Variants in WWOX observed in about 807,000 individuals in gnomAD.
The protein encoded by WWOX is WW domain containing oxidoreductase.
WWOX carries 69 observed loss-of-function variants against 46.2 expected under a neutral mutation model. The observed-to-expected ratio is 1.49, with a 90% confidence interval of 1.23 to 1.82. WWOX has a LOEUF of 1.82. WWOX is among the 40% of genes most tolerant of loss of function. WWOX has a pLI of 0.00. For synonymous variants in WWOX, 359 were observed against 202.6 expected (o/e 1.77, Z -6.56); for missense variants, 919 against 542.6 (o/e 1.69, Z -6.89).
intron 8 of WWOX, among the ~76,000 whole-genome samples, chr16:78,579,092 G>C (rs543169647): frequency 6.6e-6 from 1 of 152,072 alleles, no homozygotes; most frequent in African/African-American, 2.4e-5. Context: ...CATCATGTTT[G>C]GTCTCTCGTC....
rs146708382 is a variant in WWOX, at chr16:78,918,395, G to C, written c.1057-293213G>C. Among the ~76,000 whole-genome samples the C allele has an allele frequency of 1.8e-3, 273 of 151,944 alleles. 1 individual carries two copies. Among genetic ancestry groups the C allele is most frequent in the African/African-American group, 6.2e-3 (256 of 41,424 alleles). The stretch of plus-strand genomic sequence containing the variant: ...GCCATGAAACCTCTCTCCTTTCCAG[G>C]CTGGCTTCTTACCTAGGTCGTGTCC... On this transcript the variant is annotated intron_variant, in intron 8 of 8. Coordinates refer to ENST00000566780, the MANE Select transcript of WWOX (RefSeq NM_016373.4).
At chr16:78,399,119 G>C (rs951176178) in intron 6 of WWOX, among the ~76,000 whole-genome samples, 1 of 152,036 alleles carries the variant, frequency 6.6e-6, no homozygotes, top group Admixed American at 6.5e-5. Flanking sequence ...CAAGAGGTAA[G>C]TACAAGGAAG....
At chr16:79,006,953 C>T (rs368062339) in intron 8 of WWOX, among the ~76,000 whole-genome samples, 5 of 152,152 alleles carry the variant, frequency 3.3e-5, no homozygotes, top group African/African-American at 4.8e-5. Context: ...TGATTAGCAA[C>T]GTCAGTTCCA....
At chr16:78,332,382 C>G (rs574231437) in intron 5 of WWOX, among the ~76,000 whole-genome samples, 1 of 152,272 alleles carries the variant, frequency 6.6e-6, no homozygotes, top group Admixed American at 6.5e-5. Flanking sequence ...TGGGTATTTC[C>G]TCTGTGCAAT....
chr16:79,081,797 C>G (rs1044084912), intron 8 of WWOX, among the ~76,000 whole-genome samples: 1 of 152,104 alleles, frequency 6.6e-6, no homozygotes, highest in African/African-American at 2.4e-5. Context: ...TGCCTCTGGT[C>G]TCCAGCAGAA....
intron 8 of WWOX, chr16:79,204,311 C>G (rs868336066): frequency 2.6e-5 from 4 of 152,106 alleles, no homozygotes; most frequent in Admixed American, 2.0e-4. Flanking sequence ...CCGGTCAGTT[C>G]TAGAACGCTT....
chr16:78,159,004 C>T (rs890152731), intron 4 of WWOX, among the ~76,000 whole-genome samples: 2 of 152,058 alleles, frequency 1.3e-5, no homozygotes, highest in African/African-American at 4.8e-5. Flanking sequence ...TCTTAGATTC[C>T]TCATATAAAT....
At chr16:78,485,792 C>T (rs1540757) in intron 8 of WWOX, among the ~76,000 whole-genome samples, 86,646 of 152,100 alleles carry the variant, frequency 0.57, 28,752 homozygotes, top group Non-Finnish European at 0.74. Context: ...GGGCTTCATA[C>T]ATTATTGAGA....
At chr16:78,211,555 C>CCTGCTG (rs753430190) in intron 5 of WWOX, among the ~76,000 whole-genome samples, 102 of 151,846 alleles carry the variant, frequency 6.7e-4, no homozygotes, top group Non-Finnish European at 1.4e-3. Flanking sequence ...TGCTGTTGCT[C>CCTGCTG]CTGCTGCTGC....
chr16:79,153,913 C>G (rs568946586), intron 8 of WWOX, among the ~76,000 whole-genome samples: 2 of 152,124 alleles, frequency 1.3e-5, no homozygotes, highest in Admixed American at 1.3e-4. Flanking sequence ...TTTTCCAGGC[C>G]TGCTGTCAGG....
chr16:79,047,672 A>ACTTTTTT (rs529812201), intron 8 of WWOX, among the ~76,000 whole-genome samples: 9 of 53,518 alleles, frequency 1.7e-4, no homozygotes, highest in African/African-American at 6.1e-4. Context: ...GACTGTCCTG[A>ACTTTTTT]TTTTTTTTTT....
intron 8 of WWOX, among the ~76,000 whole-genome samples, chr16:78,595,244 G>T (rs765949072): frequency 1.3e-5 from 2 of 152,116 alleles, no homozygotes; most frequent in South Asian, 4.1e-4. Flanking sequence ...TTTAGCAGTC[G>T]TGGGACTAGG....
chr16:78,490,161 C>A (rs867975536), intron 8 of WWOX, among the ~76,000 whole-genome samples: 2 of 140,752 alleles, frequency 1.4e-5, no homozygotes, highest in South Asian at 4.4e-4. Flanking sequence ...GTTGTGGTGG[C>A]GTTGGCTTTT....
chr16:79,187,356 G>A (rs1597457597), intron 8 of WWOX, among the ~76,000 whole-genome samples: 1 of 152,238 alleles, frequency 6.6e-6, no homozygotes, highest in African/African-American at 2.4e-5. Flanking sequence ...TACCTCCTAT[G>A]CCCCTACGAA....
chr16:78,305,817 T>A (rs1209240986), intron 5 of WWOX, among the ~76,000 whole-genome samples: 6 of 152,280 alleles, frequency 3.9e-5, no homozygotes, highest in South Asian at 4.1e-4. Context: ...TTATTAACCT[T>A]GTGGCACAAC....
At position 78,345,961 on chromosome 16, in the gene WWOX, T is replaced by TA. The variant is rs1405330625; in HGVS notation, c.517-40891dup. 9.3e-5 allele frequency among the ~76,000 whole-genome samples: 10 copies of TA among 106,966 alleles called. 2 individuals carry two copies. Among genetic ancestry groups the TA allele is most frequent in the East Asian group, 5.8e-4 (3 of 5,156 alleles). 70.2% of individuals were successfully genotyped at this position (106,966 alleles called of 152,430 possible). On this transcript the variant is annotated intron_variant, in intron 5 of 8. Transcript: ENST00000566780. Reference sequence around the variant, plus strand: ...CATGCCCATGAAACCAACACGAAAATAAAAAAAATAGAACATTTACATCAC... The same window carrying TA: ...CATGCCCATGAAACCAACACGAAAATAAAAAAAAATAGAACATTTACATCAC...
At chr16:78,794,773 C>T (rs1017277349) in intron 8 of WWOX, among the ~76,000 whole-genome samples, 1 of 152,200 alleles carries the variant, frequency 6.6e-6, no homozygotes, top group African/African-American at 2.4e-5. Context: ...CCCATGTGTT[C>T]AGGCTGTGAG....
intron 5 of WWOX, among the ~76,000 whole-genome samples, chr16:78,371,405 G>A (rs1230527339): frequency 6.6e-6 from 1 of 152,156 alleles, no homozygotes; most frequent in Non-Finnish European, 1.5e-5. Flanking sequence ...CTGGCTCATG[G>A]TTAACTTCAA....
At chr16:79,136,234 C>CTT (rs1223038831) in intron 8 of WWOX, among the ~76,000 whole-genome samples, 58 of 142,342 alleles carry the variant, frequency 4.1e-4, no homozygotes, top group African/African-American at 1.3e-3. Context: ...GTCACTTCTT[C>CTT]TTTTTTTTTT....
Sources: allele counts gnomAD v4.1 joint callset (sites outside exome capture counted in the v4.1 genomes callset), GRCh38; gene constraint gnomAD v4.1.1; transcripts MANE v1.5; gene names NCBI Gene and HGNC (gene_info 2026-07-23, HGNC 2026-07-21).